The following CHCHD6 variants were observed in gnomAD, a reference collection of about 807,000 sequenced individuals.
The protein encoded by CHCHD6 is MICOS complex subunit MIC25.
Under a neutral mutation model 32.3 loss-of-function variants are expected in CHCHD6, and 28 were observed. The observed-to-expected ratio is 0.87, with a 90% confidence interval of 0.64 to 1.19. The LOEUF is 1.19. CHCHD6 is among the 50% of genes most tolerant of loss of function. The probability of loss-of-function intolerance (pLI) is 0.00; values close to 1 mark genes in which losing one functional copy is unlikely to be tolerated. For synonymous variants in CHCHD6, 122 were observed against 117.5 expected (o/e 1.04, Z -0.25); for missense variants, 333 against 307.0 (o/e 1.08, Z -0.63).
intron 5 of CHCHD6, among the ~76,000 whole-genome samples, chr3:126,876,879 G>A (rs1220055630): frequency 1.3e-5 from 2 of 152,184 alleles, no homozygotes; most frequent in Non-Finnish European, 1.5e-5. Flanking sequence ...AATATGATAA[G>A]AGAGAAAGCA....
intron 5 of CHCHD6, among the ~76,000 whole-genome samples, chr3:126,887,367 G>T (rs1306440301): frequency 6.6e-6 from 1 of 151,964 alleles, no homozygotes; most frequent in Non-Finnish European, 1.5e-5. Flanking sequence ...AACTTTCATT[G>T]TCATGATTTT....
chr3:126,942,194 A>G (rs976090166), intron 6 of CHCHD6, among the ~76,000 whole-genome samples: 1 of 152,178 alleles, frequency 6.6e-6, no homozygotes, highest in African/African-American at 2.4e-5. Context: ...TCAAGAGGCC[A>G]CCTGTCCTAC....
intron 4 of CHCHD6, among the ~76,000 whole-genome samples, chr3:126,834,673 C>T (rs376404362): frequency 4.6e-5 from 7 of 152,234 alleles, no homozygotes; most frequent in Middle Eastern, 3.4e-3. Flanking sequence ...GATGACTATC[C>T]GAGTCCAAGT....
At chr3:126,819,511 G>A (rs1359162070) in intron 4 of CHCHD6, among the ~76,000 whole-genome samples, 2 of 152,202 alleles carry the variant, frequency 1.3e-5, no homozygotes, top group African/African-American at 4.8e-5. Flanking sequence ...AGTCCTGAGT[G>A]TCCTATCCCT....
chr3:126,878,738 A>G (rs1336614270), intron 5 of CHCHD6, among the ~76,000 whole-genome samples: 1 of 152,268 alleles, frequency 6.6e-6, no homozygotes, highest in Non-Finnish European at 1.5e-5. Flanking sequence ...GAAATAGGAT[A>G]ATCACAGGTC....
At chr3:126,895,839 A>G (rs1439674068) in intron 5 of CHCHD6, among the ~76,000 whole-genome samples, 1 of 152,224 alleles carries the variant, frequency 6.6e-6, no homozygotes, top group African/African-American at 2.4e-5. Flanking sequence ...GAAAGGCCTT[A>G]GGGCAGCAGC....
rs552130171 is a variant in CHCHD6 at position 126,744,365 on chromosome 3, G to T, written c.411+11143G>T. On this transcript the variant is annotated intron_variant, in intron 4 of 7. Coordinates refer to ENST00000290913, the MANE Select transcript of CHCHD6 (RefSeq NM_032343.3). ...GGGGAGATGCCATTGCTGGCTACTG[G>T]CAAGGTATAGAATCGAAAAGGGTTA... Among the ~76,000 whole-genome samples, 10 of 152,324 alleles carry T rather than the reference G, an allele frequency of 6.6e-5. No individual in the cohort carries two copies. In the East Asian group the frequency reaches 1.9e-3, roughly 29 times the overall value.
intron 4 of CHCHD6, among the ~76,000 whole-genome samples, chr3:126,772,617 G>A (rs940307289): frequency 6.6e-6 from 1 of 152,060 alleles, no homozygotes; most frequent in Non-Finnish European, 1.5e-5. Context: ...TTTATTTTGA[G>A]CCTGTGGATG....
intron 5 of CHCHD6, among the ~76,000 whole-genome samples, chr3:126,877,438 G>A (rs1021948397): frequency 1.3e-5 from 2 of 151,982 alleles, no homozygotes; most frequent in Non-Finnish European, 2.9e-5. Flanking sequence ...GCCTGTAGTC[G>A]CAGCTACTCA....
intron 5 of CHCHD6, among the ~76,000 whole-genome samples, chr3:126,860,227 A>G (rs56179718): frequency 6.6e-6 from 1 of 152,148 alleles, no homozygotes; most frequent in South Asian, 2.1e-4. Context: ...ACCTGAAAAC[A>G]ATACAGCAGG....
chr3:126,784,949 G>C (rs1381192147), intron 4 of CHCHD6, among the ~76,000 whole-genome samples: 1 of 152,020 alleles, frequency 6.6e-6, no homozygotes, highest in Admixed American at 6.6e-5. Context: ...AGTACTTTAT[G>C]TATTTATTTT....
chr3:126,861,562 AC>A (rs1480320894), intron 5 of CHCHD6, among the ~76,000 whole-genome samples: 6 of 148,490 alleles, frequency 4.0e-5, no homozygotes, highest in Admixed American at 4.0e-4. Context: ...CACCAGCACC[AC>A]CACCTCATCC....
chr3:126,805,125 C>G (rs986888527), intron 4 of CHCHD6, among the ~76,000 whole-genome samples: 27 of 152,264 alleles, frequency 1.8e-4, no homozygotes, highest in African/African-American at 6.0e-4. Context: ...GAAGCATTCC[C>G]TTTGAAAACT....
At chr3:126,922,633 GT>G (rs1309145122) in intron 6 of CHCHD6, among the ~76,000 whole-genome samples, 19 of 142,186 alleles carry the variant, frequency 1.3e-4, no homozygotes, top group African/African-American at 4.7e-4. Flanking sequence ...GTGTGTGTGT[GT>G]GTGTGTGTGT....
intron 1 of CHCHD6, among the ~76,000 whole-genome samples, chr3:126,716,028 T>C (rs2107652100): frequency 6.6e-6 from 1 of 152,316 alleles, no homozygotes; most frequent in Non-Finnish European, 1.5e-5. Flanking sequence ...CTCCTCCTCC[T>C]GATTTGCACT....
At chr3:126,733,281 G>A (rs1935895161) in intron 4 of CHCHD6, 59 bp downstream of exon 4, 1 of 1,541,612 alleles carries the variant, frequency 6.5e-7, no homozygotes, top group Middle Eastern at 2.1e-4. Flanking sequence ...TGGGAAATAG[G>A]GGGCGGGCCC....
At chr3:126,908,654 G>A (rs1018231419) in intron 5 of CHCHD6, among the ~76,000 whole-genome samples, 4 of 152,164 alleles carry the variant, frequency 2.6e-5, no homozygotes, top group African/African-American at 9.7e-5. Context: ...TCCCCAAGGA[G>A]ACCTGACACT....
chr3:126,755,218 T>C (rs1456404857), intron 4 of CHCHD6, among the ~76,000 whole-genome samples: 1 of 152,194 alleles, frequency 6.6e-6, no homozygotes, highest in Admixed American at 6.5e-5. Flanking sequence ...GCAGCAGCTC[T>C]GTCTTCAGTC....
intron 5 of CHCHD6, among the ~76,000 whole-genome samples, chr3:126,880,248 G>A (rs994292242): frequency 2.0e-5 from 3 of 152,116 alleles, no homozygotes; most frequent in Admixed American, 2.0e-4. Flanking sequence ...GTGTTTTATG[G>A]GGACAAAGAC....
Sources: gnomAD v4.1 joint callset for allele counts (sites outside exome capture counted in the v4.1 genomes callset) on GRCh38, gnomAD v4.1.1 for gene constraint, MANE v1.5 for transcripts, NCBI Gene and HGNC (gene_info 2026-07-23, HGNC 2026-07-21) for gene names.